Variants in C16orf87 observed in about 807,000 individuals in gnomAD.
C16orf87 encodes HDAC and MIER1 interacting protein 1, also known as UPF0547 protein C16orf87.
A neutral mutation model predicts 21.0 loss-of-function variants in C16orf87; 13 were observed. That is an observed-to-expected ratio of 0.62 (90% CI 0.40 to 0.98). The LOEUF (loss-of-function observed/expected upper bound fraction) is 0.98. Among genes scored for constraint, C16orf87 ranks in the 50% least tolerant of loss-of-function variants. C16orf87 has a pLI of 0.00. For missense variants in C16orf87, 113 were observed against 180.4 expected, an observed-to-expected ratio of 0.63 and a Z score of 2.14; for synonymous variants, 49 against 60.2, an observed-to-expected ratio of 0.81 and a Z score of 0.86.
In C16orf87 at chr16:46,797,196, T is replaced by TAG. The variant is rs72018856; in HGVS notation, c.*5755_*5756insCT. 228 of 152,342 alleles carry TAG rather than the reference T, an allele frequency of 1.5e-3. 1 individual carries two copies. Among genetic ancestry groups the TAG allele is most frequent in the African/African-American group, 5.2e-3 (216 of 41,578 alleles). The allele number at this position is 152,342 out of a possible 1,614,324, so 9.4% of individuals were successfully genotyped here. ...AAATTTTCCAGATGAAAAGGACTGA[T>TAG]ACCTATGTAAACTTGGAACATCAAG... On this transcript the variant is annotated 3_prime_UTR_variant, in exon 4 of 4. Transcript: ENST00000285697.
At chr16:46,817,591 G>A (rs1279861780) in intron 2 of C16orf87, among the ~76,000 whole-genome samples, 1 of 152,072 alleles carries the variant, frequency 6.6e-6, no homozygotes, top group Non-Finnish European at 1.5e-5. Flanking sequence ...GGGAGGCTGA[G>A]GCAGAAGAAT....
At position 46,831,178 on chromosome 16, in the gene C16orf87, G is replaced by C; in HGVS notation, c.-29C>G. 2 of 1,542,620 alleles carry C rather than the reference G, an allele frequency of 1.3e-6. No homozygotes were observed. Among genetic ancestry groups the C allele is most frequent in the Non-Finnish European group, 1.8e-6 (2 of 1,137,588 alleles). Reference sequence around the variant, plus strand: ...CCTCTCCCTTAGCGGCGGCAGCAGCGACGGCTCGGGCTCCTCCCCTCACAC... The same window carrying C: ...CCTCTCCCTTAGCGGCGGCAGCAGCCACGGCTCGGGCTCCTCCCCTCACAC... On this transcript the variant is annotated 5_prime_UTR_variant, in exon 1 of 4. Coordinates refer to ENST00000285697, the MANE Select transcript of C16orf87 (RefSeq NM_001001436.4).
chr16:46,817,696 A>G (rs1968289936), intron 2 of C16orf87, among the ~76,000 whole-genome samples: 1 of 151,730 alleles, frequency 6.6e-6, no homozygotes, highest in African/African-American at 2.4e-5. Context: ...TCAAAAAAAT[A>G]AAGAAAGAAA....
At chr16:46,821,435 A>T (rs1596822624) in intron 2 of C16orf87, among the ~76,000 whole-genome samples, 1 of 152,204 alleles carries the variant, frequency 6.6e-6, no homozygotes, top group Non-Finnish European at 1.5e-5. Context: ...CCTATCCTTG[A>T]TGTTTCTCCT....
intron 1 of C16orf87, among the ~76,000 whole-genome samples, chr16:46,830,469 G>A (rs1211578942): frequency 6.6e-6 from 1 of 152,182 alleles, no homozygotes; most frequent in African/African-American, 2.4e-5. Flanking sequence ...TAAAAACGAT[G>A]TAAAGGCAGG....
chr16:46,797,471 C>T lies in C16orf87; in HGVS notation c.*5481G>A, dbSNP rs1967644344. 1 of 152,510 alleles carries T rather than the reference C, an allele frequency of 6.6e-6. No homozygotes were observed. Among genetic ancestry groups the T allele is most frequent in the African/African-American group, 2.4e-5 (1 of 41,446 alleles). 9.4% of individuals were successfully genotyped at this position (152,510 alleles called of 1,614,324 possible). A position where few individuals can be genotyped will look rare whatever the true frequency, so the allele number is the denominator to read the frequency against. ...CAAGTAATCCTCCCACTTCAGCCTC[C>T]TGAGTAGCTGGGACTACAGGAACAT... is the stretch of plus-strand genomic sequence containing the variant. On this transcript the variant is annotated 3_prime_UTR_variant, in exon 4 of 4. Coordinates refer to ENST00000285697, the MANE Select transcript of C16orf87 (RefSeq NM_001001436.4).
intron 2 of C16orf87, among the ~76,000 whole-genome samples, chr16:46,821,757 C>T (rs559876522): frequency 6.6e-6 from 1 of 152,212 alleles, no homozygotes; most frequent in South Asian, 2.1e-4. Flanking sequence ...AACTCTGCAC[C>T]GCGAGCTCAT....
intron 2 of C16orf87, among the ~76,000 whole-genome samples, chr16:46,821,734 TTCC>T (rs1959422466): frequency 6.6e-6 from 1 of 152,186 alleles, no homozygotes; most frequent in African/African-American, 2.4e-5. Context: ...TGCCTTCCTC[TTCC>T]TAACTTACAA....
At chr16:46,830,030 T>C (rs948121290) in intron 1 of C16orf87, among the ~76,000 whole-genome samples, 1 of 151,904 alleles carries the variant, frequency 6.6e-6, no homozygotes, top group Non-Finnish European at 1.5e-5. Flanking sequence ...GATCTACATG[T>C]TGGTAACAAA....
At chr16:46,803,731 A>T (rs1469383017) in intron 3 of C16orf87, among the ~76,000 whole-genome samples, 1 of 151,946 alleles carries the variant, frequency 6.6e-6, no homozygotes, top group African/African-American at 2.4e-5. Flanking sequence ...TTAAAAAAAA[A>T]AAACAGAAGT....
chr16:46,814,560 G>C (rs890251835), intron 2 of C16orf87, among the ~76,000 whole-genome samples: 4 of 152,166 alleles, frequency 2.6e-5, no homozygotes, highest in Admixed American at 1.3e-4. Flanking sequence ...CTCACCTCCT[G>C]CCACTAAACT....
intron 3 of C16orf87, among the ~76,000 whole-genome samples, chr16:46,805,943 T>G (rs1967916679): frequency 6.6e-6 from 1 of 152,226 alleles, no homozygotes; most frequent in Admixed American, 6.5e-5. Flanking sequence ...GATCTTAACA[T>G]GGTATCCTGG....
intron 2 of C16orf87, among the ~76,000 whole-genome samples, chr16:46,815,174 G>A (rs1968203896): frequency 6.6e-6 from 1 of 152,040 alleles, no homozygotes; most frequent in Admixed American, 6.6e-5. Context: ...ACACAATGTA[G>A]CATAATTCAC....
intron 1 of C16orf87, among the ~76,000 whole-genome samples, chr16:46,829,383 TTC>T (rs754184296): frequency 4.8e-4 from 73 of 152,270 alleles, no homozygotes; most frequent in Non-Finnish European, 9.4e-4. Flanking sequence ...TGAACAGTTT[TTC>T]AGAAACTCCT....
intron 2 of C16orf87, among the ~76,000 whole-genome samples, chr16:46,817,306 A>G (rs1968278091): frequency 6.6e-6 from 1 of 152,198 alleles, no homozygotes; most frequent in African/African-American, 2.4e-5. Flanking sequence ...TTTTCTGGAA[A>G]AGTTTTTCCA....
At chr16:46,823,211 T>A (rs1260262361) in intron 2 of C16orf87, among the ~76,000 whole-genome samples, 2 of 152,176 alleles carry the variant, frequency 1.3e-5, no homozygotes, top group Non-Finnish European at 2.9e-5. Flanking sequence ...AAAGCATTTA[T>A]CACAAGGTTA....
rs574533774 is a variant in C16orf87 at position 46,813,703 on chromosome 16, A to G, written c.164-3918T>C. On this transcript the variant is annotated intron_variant, in intron 2 of 3. Coordinates refer to ENST00000285697, the MANE Select transcript of C16orf87 (RefSeq NM_001001436.4). ...ACGAGCTCCTTCCTCCGCTGAGTCT[A>G]TGTATACGCTAATCCTTCTGCCTAG... is the stretch of plus-strand genomic sequence containing the variant. Among the ~76,000 whole-genome samples the G allele has an allele frequency of 6.5e-4, 99 of 152,228 alleles. 1 individual carries two copies. The highest frequency in any genetic ancestry group is 2.3e-3 in the South Asian group (11 of 4,822).
intron 2 of C16orf87, among the ~76,000 whole-genome samples, chr16:46,816,021 T>C (rs906484079): frequency 6.6e-6 from 1 of 152,132 alleles, no homozygotes; most frequent in African/African-American, 2.4e-5. Context: ...AAACAAAATA[T>C]GGCATATACA....
intron 2 of C16orf87, among the ~76,000 whole-genome samples, chr16:46,816,718 G>C (rs1968255540): frequency 6.6e-6 from 1 of 152,162 alleles, no homozygotes; most frequent in South Asian, 2.1e-4. Flanking sequence ...AGGACAATAT[G>C]CCTAAAATAG....
Sources: gnomAD v4.1 joint callset for allele counts (sites outside exome capture counted in the v4.1 genomes callset) on GRCh38, gnomAD v4.1.1 for gene constraint, MANE v1.5 for transcripts, NCBI Gene and HGNC (gene_info 2026-07-23, HGNC 2026-07-21) for gene names.